Variants in EVL observed in about 807,000 individuals in gnomAD.
The protein encoded by EVL is ena/VASP-like protein.
EVL carries 21 observed loss-of-function variants against 59.6 expected under a neutral mutation model. The observed-to-expected ratio is 0.35, with a 90% CI of 0.25 to 0.51. EVL has a LOEUF of 0.51. Ranked by LOEUF, EVL falls within the 20% of genes least tolerant of loss-of-function variation. EVL has a pLI of 0.97. For synonymous variants in EVL, 198 were observed against 203.5 expected (o/e 0.97, Z 0.23); for missense variants, 462 against 546.6 (o/e 0.85, Z 1.54).
chr14:100,128,766 CG>C lies in EVL; in HGVS notation c.717+22del. 1 of 1,596,466 alleles carries C rather than the reference CG, an allele frequency of 6.3e-7. No homozygotes were observed. Among genetic ancestry groups the C allele is most frequent in the Non-Finnish European group, 8.5e-7 (1 of 1,175,116 alleles). ...TCCAACGGGTAAGAGCTCCTGTGTGCGGGGTGGGAATGGGACCGAGGGGACC... is the reference window on the plus strand; with the variant it reads ...TCCAACGGGTAAGAGCTCCTGTGTGCGGGTGGGAATGGGACCGAGGGGACC... On this transcript the variant is annotated intron_variant, in intron 6 of 13. Transcript: ENST00000392920.
intron 1 of EVL, among the ~76,000 whole-genome samples, chr14:100,053,739 C>A (rs747959603): frequency 6.6e-6 from 1 of 152,132 alleles, no homozygotes; most frequent in Non-Finnish European, 1.5e-5. Context: ...ATTTTTATTA[C>A]CCAGGTTCAA....
At chr14:100,137,472 C>A in intron 9 of EVL, 106 bp from the exon 10 acceptor site, 1 of 1,220,062 alleles carries the variant, frequency 8.2e-7, no homozygotes, top group Non-Finnish European at 1.2e-6. Context: ...CGGGGCTCTG[C>A]ACCCTTGGCA....
upstream of EVL, among the ~76,000 whole-genome samples, chr14:100,061,460 CAA>C (rs869039779): frequency 0.073 from 4,707 of 64,254 alleles, 138 homozygotes; most frequent in African/African-American, 0.14. Context: ...CCTCAGGCTG[CAA>C]AAAAAAAAAA....
chr14:100,001,935 A>G (rs1000749440), intron 1 of EVL, among the ~76,000 whole-genome samples: 3 of 152,246 alleles, frequency 2.0e-5, no homozygotes, highest in Admixed American at 6.5e-5. Flanking sequence ...TATGCAAATA[A>G]CTATATTGCC....
At chr14:100,034,095 G>T (rs958577012) in intron 1 of EVL, among the ~76,000 whole-genome samples, 1 of 151,764 alleles carries the variant, frequency 6.6e-6, no homozygotes, top group African/African-American at 2.4e-5. Context: ...AAAAAAACAG[G>T]CGTGGTGATG....
intron 1 of EVL, among the ~76,000 whole-genome samples, chr14:100,081,530 A>G (rs1421098301): frequency 6.8e-6 from 1 of 147,430 alleles, no homozygotes; most frequent in Non-Finnish European, 1.5e-5. Flanking sequence ...AAAAAAAAAA[A>G]AGGAACCTGT....
Position 100,002,187 on chromosome 14 carries a change from A to G in EVL, c.5+30130A>G, listed in dbSNP as rs115306357. 6.2e-3 allele frequency among the ~76,000 whole-genome samples: 949 copies of G among 152,220 alleles called. 12 individuals are homozygous for G. Among genetic ancestry groups the G allele is most frequent in the African/African-American group, 0.022 (909 of 41,522 alleles). ...TTAATTCCTGTTCTGCTTGATATCCATGAACATTTCGCTCTCCATGAGTCC... is the reference window on the plus strand; with the variant it reads ...TTAATTCCTGTTCTGCTTGATATCCGTGAACATTTCGCTCTCCATGAGTCC... On this transcript the variant is annotated intron_variant, in intron 1 of 13. Coordinates refer to the EVL transcript ENST00000402714.
Position 100,102,192 on chromosome 14 carries a change from AT to A in EVL, c.358+4537del. ...GAACATTTGCATACATTAGTAGGCA[AT>A]TTCATCTTTTCTGTTATTTTTATCA... On this transcript the variant is annotated intron_variant, in intron 3 of 13. Transcript: ENST00000392920. 3 of 452,276 alleles carry A rather than the reference AT, an allele frequency of 6.6e-6. No homozygotes were observed. In the Admixed American group the frequency reaches 7.1e-5, roughly 11 times the overall value. 28.0% of individuals were successfully genotyped at this position (452,276 alleles called of 1,614,324 possible). A position where few individuals can be genotyped will look rare whatever the true frequency, so the allele number is the denominator to read the frequency against.
intron 1 of EVL, among the ~76,000 whole-genome samples, chr14:100,084,069 T>TTTC (rs1555422328): frequency 1.5e-4 from 23 of 151,240 alleles, no homozygotes; most frequent in African/African-American, 5.1e-4. Context: ...TTTTTTTTTT[T>TTTC]CCGAGACAGT....
intron 11 of EVL, chr14:100,140,263 G>T (rs528965663): frequency 6.6e-6 from 1 of 152,004 alleles, no homozygotes; most frequent in Non-Finnish European, 1.5e-5. Context: ...AATTCAAATC[G>T]GTTACCTTAG....
intron 1 of EVL, among the ~76,000 whole-genome samples, chr14:100,060,322 G>T (rs1053871433): frequency 1.3e-5 from 2 of 151,384 alleles, no homozygotes; most frequent in African/African-American, 4.9e-5. Context: ...TCCCAGCTAC[G>T]CGGGAGGCTG....
intron 1 of EVL, among the ~76,000 whole-genome samples, chr14:100,007,038 G>T (rs139719551): frequency 6.6e-6 from 1 of 152,118 alleles, no homozygotes; most frequent in African/African-American, 2.4e-5. Flanking sequence ...TGTGAACCCC[G>T]AATATCTGAG....
At chr14:100,106,190 C>G (rs1374616228) in intron 3 of EVL, 3 of 152,190 alleles carry the variant, frequency 2.0e-5, no homozygotes, top group Non-Finnish European at 2.9e-5. Flanking sequence ...TCTTGCGTGT[C>G]CCACCAAAAC....
At position 100,108,621 on chromosome 14, in the gene EVL, G is replaced by A. The variant is rs543526140; in HGVS notation, c.358+10963G>A. 3.9e-5 allele frequency among the ~76,000 whole-genome samples: 6 copies of A among 152,234 alleles called. No homozygotes were observed. The highest frequency in any genetic ancestry group is 5.9e-5 in the Non-Finnish European group (4 of 68,014). On this transcript the variant is annotated intron_variant, in intron 3 of 13. Transcript: ENST00000392920. This position sits in a 1 kb window ranked among gnomAD's most constrained non-coding sequence, Gnocchi z 4.1. ...CTCCATGCCAACAGCTACCCAAGTC[G>A]CACCGTCAGTCACACTCTTACTCAG...
chr14:100,122,298 A>C (rs1466444974), intron 3 of EVL, among the ~76,000 whole-genome samples: 1 of 152,242 alleles, frequency 6.6e-6, no homozygotes, highest in African/African-American at 2.4e-5. Context: ...GTTGGTTTGC[A>C]TCTGCCACTT....
rs142171070 is a variant in EVL, at chr14:100,097,543, C to T, written c.243C>T (p.His81=). Reference sequence around the variant, plus strand: ...ACAATCAGGCCACGCCAACCTTCCACCAGTGGCGAGATGCCCGCCAGGTCT... The same window carrying T: ...ACAATCAGGCCACGCCAACCTTCCATCAGTGGCGAGATGCCCGCCAGGTCT... ...LKYNQATPTF[H]QWRDARQVYG... The change falls in exon 3 of 14, where the codon CAC becomes CAT. Residue 81 remains histidine (H), a synonymous_variant. Transcript: ENST00000392920. The T allele has an allele frequency of 4.3e-6, 7 of 1,614,204 alleles. No individual in the cohort carries two copies. The highest frequency in any genetic ancestry group is 5.1e-6 in the Non-Finnish European group (6 of 1,180,022).
At chr14:100,089,707 G>A (rs779505460) in intron 2 of EVL, among the ~76,000 whole-genome samples, 1 of 152,166 alleles carries the variant, frequency 6.6e-6, no homozygotes, top group Non-Finnish European at 1.5e-5. Flanking sequence ...GACCACCTGG[G>A]GCCAGGAGTT....
intron 3 of EVL, among the ~76,000 whole-genome samples, chr14:100,121,858 C>A (rs1240303175): frequency 2.0e-5 from 3 of 152,210 alleles, no homozygotes; most frequent in Non-Finnish European, 4.4e-5. Context: ...CTGGTGGAGC[C>A]CAAGCGTGGA....
Position 100,132,763 on chromosome 14 carries a change from A to C in EVL, c.884A>C (p.Glu295Ala), listed in dbSNP as rs1888517022. The change falls in exon 8 of 14, where the codon GAA becomes GCA. Residue 295 changes from glutamate (E) to alanine (A), a missense_variant. By Grantham distance (107) the Glu-to-Ala change is moderately radical. Coordinates refer to ENST00000392920, the MANE Select transcript of EVL (RefSeq NM_016337.3). The stretch of plus-strand genomic sequence containing the variant: ...TCAGACAAGCCAGCCGAGAAGAAGG[A>C]AGATGAAAGCCAAATGGTGAGCAAG... ...SQSDKPAEKKEDESQMEDPST... is the reference protein window; with the variant it reads ...SQSDKPAEKKADESQMEDPST... The C allele has an allele frequency of 6.2e-7, 1 of 1,614,050 alleles. No individual in the cohort carries two copies. Among genetic ancestry groups the C allele is most frequent in the South Asian group, 1.1e-5 (1 of 91,094 alleles).
Sources: gnomAD v4.1 joint callset for allele counts (sites outside exome capture counted in the v4.1 genomes callset) on GRCh38, gnomAD v4.1.1 for gene constraint, Gnocchi (gnomAD v3.1) non-coding constraint, MANE v1.5 for transcripts, NCBI Gene and HGNC (gene_info 2026-07-23, HGNC 2026-07-21) for gene names.